NSUN7: variants seen among roughly 807,000 people sequenced by gnomAD.
The protein encoded by NSUN7 is NOP2/Sun RNA methyltransferase family member 7.
In NSUN7, 39 loss-of-function variants were observed where a neutral mutation model predicts 58.5. The observed-to-expected ratio is 0.67, with a 90% CI of 0.52 to 0.87. The LOEUF (loss-of-function observed/expected upper bound fraction) is 0.87. NSUN7 is among the 40% of genes least tolerant of loss of function. The pLI, the probability that NSUN7 is intolerant of heterozygous loss-of-function variation, is 0.00. For synonymous variants in NSUN7, 278 were observed against 303.7 expected (o/e 0.92, Z 0.88); for missense variants, 765 against 844.1 (o/e 0.91, Z 1.16).
chr4:40,795,902 T>G (rs180802731), intron 9 of NSUN7, among the ~76,000 whole-genome samples: 2 of 152,376 alleles, frequency 1.3e-5, no homozygotes, highest in East Asian at 1.9e-4. Context: ...GTTTACTTAT[T>G]ATGTGCCTGG....
chr4:40,766,064 A>G lies in NSUN7; in HGVS notation c.488+4763A>G, dbSNP rs868613792. Among the ~76,000 whole-genome samples the G allele has an allele frequency of 5.2e-3, 798 of 152,072 alleles. 6 individuals are homozygous for G. The highest frequency in any genetic ancestry group is 0.018 in the African/African-American group (759 of 41,508). On this transcript the variant is annotated intron_variant, in intron 4 of 11. Transcript: ENST00000381782. ...TGACTTCCTCTTTTCCTAATTGAAT[A>G]CCCTTTATTTCCTTCTCCTGCCTAA...
chr4:40,769,662 A>G (rs1741903727), intron 4 of NSUN7, among the ~76,000 whole-genome samples: 1 of 152,186 alleles, frequency 6.6e-6, no homozygotes, highest in African/African-American at 2.4e-5. Flanking sequence ...GATAAGGCAC[A>G]TTTGCTCAGA....
chr4:40,792,164 T>G (rs150709152), intron 8 of NSUN7, among the ~76,000 whole-genome samples: 1 of 151,480 alleles, frequency 6.6e-6, no homozygotes, highest in Non-Finnish European at 1.5e-5. Context: ...GAACAATTAG[T>G]AGACACTGAA....
At chr4:40,772,156 A>G (rs1311034496) in intron 4 of NSUN7, among the ~76,000 whole-genome samples, 1 of 152,120 alleles carries the variant, frequency 6.6e-6, no homozygotes, top group East Asian at 1.9e-4. Flanking sequence ...TATCTGGAAA[A>G]TTGGAGATTT....
chr4:40,806,957 G>A (rs1405796159), intron 10 of NSUN7, 104 bp from the exon 11 acceptor site: 2 of 1,186,166 alleles, frequency 1.7e-6, no homozygotes, highest in Non-Finnish European at 2.4e-6. Flanking sequence ...CTGTTTAAAC[G>A]ATTGGTAAAG....
At position 40,807,148 on chromosome 4, in the gene NSUN7, T is replaced by C; in HGVS notation, c.1488T>C (p.Ile496=). Residue 496 remains isoleucine, a synonymous_variant, in exon 11 of 12, where the codon ATT becomes ATC. Coordinates refer to ENST00000381782, the MANE Select transcript of NSUN7 (RefSeq NM_024677.6). The stretch of plus-strand genomic sequence containing the variant: ...TTTTCAGAATGGAACCATCTGAAAT[T>C]ACCAATGGTTGTTTTCTTTCTATTT... ...DKFFRMEPSE[I]TNGCFLSILT... is the part of the protein sequence containing the mutation. The C allele has an allele frequency of 6.4e-7, 1 of 1,550,604 alleles. No individual in the cohort carries two copies.
At chr4:40,778,838 A>G (rs1024958912) in intron 7 of NSUN7, among the ~76,000 whole-genome samples, 1 of 152,258 alleles carries the variant, frequency 6.6e-6, no homozygotes, top group Non-Finnish European at 1.5e-5. Context: ...TAACTTTTCA[A>G]TGGAAACAAT....
At chr4:40,763,035 C>T (rs1010732611) in intron 4 of NSUN7, among the ~76,000 whole-genome samples, 23 of 152,028 alleles carry the variant, frequency 1.5e-4, no homozygotes, top group African/African-American at 5.1e-4. Flanking sequence ...CAAAAAGGTT[C>T]GAGACTGCTG....
At chr4:40,770,341 G>T (rs1444946322) in intron 4 of NSUN7, among the ~76,000 whole-genome samples, 3 of 152,078 alleles carry the variant, frequency 2.0e-5, no homozygotes, top group Admixed American at 2.0e-4. Context: ...AATCTAGATG[G>T]TATAACCTAC....
At chr4:40,785,984 G>GGA in intron 7 of NSUN7, 4 of 1,304,820 alleles carry the variant, frequency 3.1e-6, no homozygotes, top group Non-Finnish European at 4.1e-6. Context: ...CCAGCGGCTG[G>GGA]GAGAGACGCT....
chr4:40,770,832 C>T (rs932513135), intron 4 of NSUN7, among the ~76,000 whole-genome samples: 5 of 152,154 alleles, frequency 3.3e-5, no homozygotes, highest in African/African-American at 9.7e-5. Context: ...GTGGGCGGAT[C>T]GTGAGGTCAA....
Position 40,808,913 on chromosome 4 carries a change from C to T in NSUN7, c.2131C>T (p.Leu711Phe). The change falls in exon 12 of 12, where the codon CTC (leucine) becomes TTC (phenylalanine). Residue 711 changes from leucine to phenylalanine, a missense_variant. Physicochemically the swap from Leu to Phe is conservative, Grantham distance 22. Coordinates refer to ENST00000381782, the MANE Select transcript of NSUN7 (RefSeq NM_024677.6). Reference sequence around the variant, plus strand: ...TAAAGATGACACACCTTCCTCCCTACTCAGGCCTCCTCGGCGATGGCTTTG... The same window carrying T: ...TAAAGATGACACACCTTCCTCCCTATTCAGGCCTCCTCGGCGATGGCTTTG... ...KPKDDTPSSL[L>F]RPPRRWL 2 of 1,529,788 alleles carry T rather than the reference C, an allele frequency of 1.3e-6. No homozygotes were observed. The highest frequency in any genetic ancestry group is 1.8e-6 in the Non-Finnish European group (2 of 1,139,208). The allele number at this position is 1,529,788 out of a possible 1,614,324, so 94.8% of individuals were successfully genotyped here.
chr4:40,776,677 A>G (rs2154287756), intron 7 of NSUN7, among the ~76,000 whole-genome samples: 1 of 151,946 alleles, frequency 6.6e-6, no homozygotes, highest in South Asian at 2.1e-4. Context: ...GTGTACTGAT[A>G]TGATCACAGT....
At chr4:40,807,295 C>A in intron 11 of NSUN7, 111 bp downstream of exon 11, 3 of 961,410 alleles carry the variant, frequency 3.1e-6, no homozygotes, top group African/African-American at 1.7e-5. Flanking sequence ...GTTTGCATTT[C>A]ACAAACACAT....
rs756902675 is a variant in NSUN7, at chr4:40,798,862, C to T, written c.1358C>T (p.Ala453Val). ...GAAAATGAAGCTGTTGTTAAGAAAGCACTGGAATTTCAAGACCTTGGGAAT... is the reference window on the plus strand; with the variant it reads ...GAAAATGAAGCTGTTGTTAAGAAAGTACTGGAATTTCAAGACCTTGGGAAT... Reference protein sequence around the residue: ...PEENEAVVKKALEFQDLGNKG... With the variant: ...PEENEAVVKKVLEFQDLGNKG... Residue 453 changes from alanine (A) to valine (V), a missense_variant, in exon 10 of 12, where the codon GCA (alanine) becomes GTA (valine). By Grantham distance (64) the Ala-to-Val change is moderately conservative. Coordinates refer to ENST00000381782, the MANE Select transcript of NSUN7 (RefSeq NM_024677.6). 1.2e-6 allele frequency: 2 copies of T among 1,611,834 alleles called. No homozygotes were observed. The highest frequency in any genetic ancestry group is 8.5e-7 in the Non-Finnish European group (1 of 1,178,578).
Position 40,776,009 on chromosome 4 carries a change from C to A in NSUN7, c.826-40C>A, listed in dbSNP as rs549408347. The A allele has an allele frequency of 4.7e-6, 6 of 1,285,906 alleles. No individual in the cohort carries two copies. In the Admixed American group the frequency reaches 1.1e-4, roughly 23 times the overall value. The allele number at this position is 1,285,906 out of a possible 1,614,324, so 79.7% of individuals were successfully genotyped here. ...AATAGAAGTCAGCTTATATTTCTAG[C>A]CATACCCTTTGAAATTCTAATCATA... is the stretch of plus-strand genomic sequence containing the variant. On this transcript the variant is annotated intron_variant, in intron 6 of 11. Transcript: ENST00000381782.
chr4:40,809,712 T>A lies in NSUN7; in HGVS notation c.*773T>A, dbSNP rs1560569622. On this transcript the variant is annotated 3_prime_UTR_variant, in exon 12 of 12. Coordinates refer to ENST00000381782, the MANE Select transcript of NSUN7 (RefSeq NM_024677.6). ...GTTGAATGCAAGCGATACCTATTGT[T>A]GAAGAAACCCACAAATTTCTGATTC... is the stretch of plus-strand genomic sequence containing the variant. 1 of 144,234 alleles carries A rather than the reference T, an allele frequency of 6.9e-6. No homozygotes were observed. Among genetic ancestry groups the A allele is most frequent in the Non-Finnish European group, 1.6e-5 (1 of 62,590 alleles). The allele number at this position is 144,234 out of a possible 1,614,324, so 8.9% of individuals were successfully genotyped here. A position where few individuals can be genotyped will look rare whatever the true frequency, so the allele number is the denominator to read the frequency against.
Position 40,776,255 on chromosome 4 carries a change from T to C in NSUN7, c.1032T>C (p.Cys344=). The C allele has an allele frequency of 6.4e-7, 1 of 1,562,692 alleles. No homozygotes were observed. Among genetic ancestry groups the C allele is most frequent in the Non-Finnish European group, 8.7e-7 (1 of 1,152,600 alleles). ...DLKTLFTKIG[C]KNIEILHEKF... is the part of the protein sequence containing the mutation. ...AGACCCTTTTCACAAAAATAGGATGTAAAAGTATGTAAAAATATTTCTTCA... is the reference window on the plus strand; with the variant it reads ...AGACCCTTTTCACAAAAATAGGATGCAAAAGTATGTAAAAATATTTCTTCA... The change falls in exon 7 of 12, where the codon TGT becomes TGC. Residue 344 remains cysteine, a synonymous_variant. Transcript: ENST00000381782.
chr4:40,807,991 G>A (rs882734), intron 11 of NSUN7, among the ~76,000 whole-genome samples: 19,216 of 128,174 alleles, frequency 0.15, 1,347 homozygotes, highest in Middle Eastern at 0.18. Context: ...AGTGAGCTGA[G>A]ATCGCACCAG....
Sources: allele counts gnomAD v4.1 joint callset (sites outside exome capture counted in the v4.1 genomes callset), GRCh38; gene constraint gnomAD v4.1.1; transcripts MANE v1.5; gene names NCBI Gene and HGNC (gene_info 2026-07-23, HGNC 2026-07-21).